NKAIN2: variants seen among roughly 807,000 people sequenced by gnomAD.
NKAIN2 encodes the protein sodium/potassium transporting ATPase interacting 2.
In NKAIN2, 14 loss-of-function variants were observed where a neutral mutation model predicts 32.6. The observed-to-expected ratio is 0.43, with a 90% CI of 0.28 to 0.67. The LOEUF (loss-of-function observed/expected upper bound fraction) is 0.67, where lower values mean the gene tolerates loss of function less well. Among genes scored for constraint, NKAIN2 ranks in the 30% least tolerant of loss-of-function variants. The probability of loss-of-function intolerance (pLI) is 0.17; values close to 1 mark genes in which losing one functional copy is unlikely to be tolerated. For synonymous variants in NKAIN2, 80 were observed against 87.2 expected, an observed-to-expected ratio of 0.92 and a Z score of 0.46; for missense variants, 198 against 258.3, an observed-to-expected ratio of 0.77 and a Z score of 1.60.
intron 3 of NKAIN2, among the ~76,000 whole-genome samples, chr6:124,543,834 T>C (rs1779995032): frequency 6.6e-6 from 1 of 152,128 alleles, no homozygotes; most frequent in South Asian, 2.1e-4. Context: ...CTATGAGCTC[T>C]GAGATCACTG....
At chr6:123,869,406 C>G (rs1002941701) in intron 1 of NKAIN2, among the ~76,000 whole-genome samples, 1 of 152,152 alleles carries the variant, frequency 6.6e-6, no homozygotes, top group Non-Finnish European at 1.5e-5. Flanking sequence ...TTCTGCAGCT[C>G]TCATACTCCC....
At chr6:124,278,910 G>T (rs1295934907) in intron 1 of NKAIN2, among the ~76,000 whole-genome samples, 1 of 151,720 alleles carries the variant, frequency 6.6e-6, no homozygotes, top group Admixed American at 6.6e-5. Context: ...TTATTAAAAT[G>T]CAATGCCTTA....
At chr6:124,189,660 G>A (rs1395503359) in intron 1 of NKAIN2, among the ~76,000 whole-genome samples, 3 of 152,092 alleles carry the variant, frequency 2.0e-5, no homozygotes, top group East Asian at 1.9e-4. Flanking sequence ...CAGCCTGGGC[G>A]ACAGAGCAAG....
At chr6:124,001,927 A>G (rs1252094312) in intron 1 of NKAIN2, among the ~76,000 whole-genome samples, 1 of 151,492 alleles carries the variant, frequency 6.6e-6, no homozygotes, top group Non-Finnish European at 1.5e-5. Flanking sequence ...CCATTTCCAC[A>G]TTGAATCATA....
intron 1 of NKAIN2, among the ~76,000 whole-genome samples, chr6:123,972,992 T>G (rs1778410346): frequency 6.6e-6 from 1 of 152,130 alleles, no homozygotes; most frequent in African/African-American, 2.4e-5. Context: ...TAAAGAGTAG[T>G]ATATTTTGTA....
At chr6:124,359,463 A>G (rs1399909431) in intron 3 of NKAIN2, among the ~76,000 whole-genome samples, 1 of 152,144 alleles carries the variant, frequency 6.6e-6, no homozygotes, top group African/African-American at 2.4e-5. Flanking sequence ...AGTGGTTTGT[A>G]GTTCTCTTTG....
chr6:124,448,511 A>G (rs1775981755), intron 3 of NKAIN2, among the ~76,000 whole-genome samples: 1 of 152,134 alleles, frequency 6.6e-6, no homozygotes, highest in Non-Finnish European at 1.5e-5. Flanking sequence ...TATTCAGGGG[A>G]CTGGCTAACA....
At chr6:124,646,768 T>C (rs905408920) in intron 3 of NKAIN2, among the ~76,000 whole-genome samples, 2 of 152,056 alleles carry the variant, frequency 1.3e-5, no homozygotes, top group Non-Finnish European at 1.5e-5. Flanking sequence ...CTGGCTAACA[T>C]GGTGAAACCT....
intron 1 of NKAIN2, among the ~76,000 whole-genome samples, chr6:123,939,768 T>C (rs1776729957): frequency 6.6e-6 from 1 of 151,282 alleles, no homozygotes; most frequent in Non-Finnish European, 1.5e-5. Flanking sequence ...TGCTATTCCA[T>C]CTCCAGTTTT....
intron 3 of NKAIN2, among the ~76,000 whole-genome samples, chr6:124,561,164 T>C (rs979582301): frequency 1.3e-5 from 2 of 152,222 alleles, no homozygotes; most frequent in Admixed American, 6.5e-5. Context: ...GGAGAAGTGA[T>C]GCCACTGTAG....
chr6:124,127,191 A>C (rs1169902505), intron 1 of NKAIN2, among the ~76,000 whole-genome samples: 1 of 152,180 alleles, frequency 6.6e-6, no homozygotes, highest in Non-Finnish European at 1.5e-5. Flanking sequence ...TGAGCTGTGC[A>C]TTCATGGATG....
At chr6:124,740,264 C>T (rs1264198561) in intron 4 of NKAIN2, among the ~76,000 whole-genome samples, 1 of 151,502 alleles carries the variant, frequency 6.6e-6, no homozygotes, top group Non-Finnish European at 1.5e-5. Flanking sequence ...ACATAATCTT[C>T]CCCCAGATAA....
intron 1 of NKAIN2, among the ~76,000 whole-genome samples, chr6:124,027,851 T>C (rs991279822): frequency 6.6e-6 from 1 of 152,204 alleles, no homozygotes; most frequent in Non-Finnish European, 1.5e-5. Context: ...TGCACTTCAG[T>C]TAAAGAGAAC....
chr6:124,204,809 T>A (rs1157391090), intron 1 of NKAIN2, among the ~76,000 whole-genome samples: 1 of 151,730 alleles, frequency 6.6e-6, no homozygotes, highest in Non-Finnish European at 1.5e-5. Context: ...ACTTATTAAT[T>A]TAGCTAATTT....
intron 3 of NKAIN2, among the ~76,000 whole-genome samples, chr6:124,602,564 T>C (rs376408344): frequency 1.3e-5 from 2 of 151,872 alleles, no homozygotes; most frequent in African/African-American, 4.8e-5. Flanking sequence ...AAAAAAGAGA[T>C]GGAAAGACAA....
intron 3 of NKAIN2, among the ~76,000 whole-genome samples, chr6:124,410,067 A>T (rs1360036742): frequency 6.6e-6 from 1 of 152,002 alleles, no homozygotes; most frequent in Non-Finnish European, 1.5e-5. Context: ...TATTGTGTCT[A>T]TCTGATTCTT....
intron 1 of NKAIN2, among the ~76,000 whole-genome samples, chr6:123,825,468 G>T (rs555372422): frequency 5.9e-5 from 9 of 152,116 alleles, no homozygotes; most frequent in Non-Finnish European, 1.0e-4. Flanking sequence ...GGAACACAAA[G>T]ATATGTACCA....
At chr6:124,069,023 A>C (rs1783318417) in intron 1 of NKAIN2, among the ~76,000 whole-genome samples, 1 of 152,042 alleles carries the variant, frequency 6.6e-6, no homozygotes, top group Non-Finnish European at 1.5e-5. Context: ...CAAAGATCAC[A>C]ATTTTTTTTG....
chr6:124,383,313 A>G (rs907465562), intron 3 of NKAIN2, among the ~76,000 whole-genome samples: 3 of 152,046 alleles, frequency 2.0e-5, no homozygotes, highest in South Asian at 2.1e-4. Context: ...ACTCTCTCCA[A>G]TCCATTTTTT....
Sources: gnomAD v4.1 joint callset for allele counts (sites outside exome capture counted in the v4.1 genomes callset) on GRCh38, gnomAD v4.1.1 for gene constraint, MANE v1.5 for transcripts, NCBI Gene and HGNC (gene_info 2026-07-23, HGNC 2026-07-21) for gene names.